The following PHF14 variants were observed in gnomAD, a reference collection of about 807,000 sequenced individuals.
PHF14 encodes the protein PHD finger protein 14.
In PHF14, 55 loss-of-function variants were observed where a neutral mutation model predicts 117.9. The ratio of observed to expected loss-of-function variants is 0.47; its 90% CI spans 0.38 to 0.58. The LOEUF is 0.58. Ranked by LOEUF, PHF14 falls within the 20% of genes least tolerant of loss-of-function variation. The pLI is 0.00. For missense variants in PHF14, 978 were observed against 1,122.2 expected (o/e 0.87, Z 1.84); for synonymous variants, 409 against 368.6 (o/e 1.11, Z -1.26).
intron 16 of PHF14, among the ~76,000 whole-genome samples, chr7:11,088,666 A>T (rs1484315762): frequency 6.6e-6 from 1 of 152,212 alleles, no homozygotes; most frequent in African/African-American, 2.4e-5. Flanking sequence ...ATAAGGAAAT[A>T]GTCAAAGAAA....
intron 17 of PHF14, among the ~76,000 whole-genome samples, chr7:11,131,962 T>C (rs1205839975): frequency 6.6e-6 from 1 of 151,842 alleles, no homozygotes; most frequent in African/African-American, 2.4e-5. Flanking sequence ...TTGTTGGGTT[T>C]TTTTAAAAAT....
chr7:11,018,861 G>A (rs1783624294), intron 5 of PHF14, among the ~76,000 whole-genome samples: 1 of 152,130 alleles, frequency 6.6e-6, no homozygotes, highest in Non-Finnish European at 1.5e-5. Context: ...CATTCAGTAC[G>A]ATACTAGCTG....
intron 17 of PHF14, among the ~76,000 whole-genome samples, chr7:11,121,946 G>A (rs1787768870): frequency 6.6e-6 from 1 of 151,564 alleles, no homozygotes; most frequent in Non-Finnish European, 1.5e-5. Flanking sequence ...TGCTGCACCT[G>A]TCAACCCGTC....
chr7:11,062,713 C>G, intron 16 of PHF14: 2 of 985,196 alleles, frequency 2.0e-6, no homozygotes, highest in Non-Finnish European at 2.4e-6. Context: ...TGCACATTGG[C>G]TTTTCCCAAC....
chr7:11,154,573 A>G (rs1163817295), intron 17 of PHF14, among the ~76,000 whole-genome samples: 1 of 152,154 alleles, frequency 6.6e-6, no homozygotes, highest in Non-Finnish European at 1.5e-5. Context: ...TATTGGTCCT[A>G]CCTAGATTCC....
At chr7:11,023,083 G>T in intron 6 of PHF14, 104 bp downstream of exon 6, 1 of 554,012 alleles carries the variant, frequency 1.8e-6, no homozygotes, top group Non-Finnish European at 3.2e-6. Flanking sequence ...TGCTTACTAG[G>T]AATCATTCTA....
chr7:11,004,936 G>A (rs1466641233), intron 4 of PHF14, among the ~76,000 whole-genome samples: 3 of 151,918 alleles, frequency 2.0e-5, no homozygotes, highest in Admixed American at 6.6e-5. Context: ...AGAATAGCTT[G>A]AACCTGGGAG....
chr7:11,108,443 G>C (rs935418421), intron 16 of PHF14: 1 of 151,386 alleles, frequency 6.6e-6, no homozygotes, highest in African/African-American at 2.4e-5. Flanking sequence ...ATTTACTTTT[G>C]AGTGAGCTAG....
At chr7:11,128,679 T>A (rs1040997963) in intron 17 of PHF14, among the ~76,000 whole-genome samples, 2 of 151,772 alleles carry the variant, frequency 1.3e-5, no homozygotes, top group Non-Finnish European at 2.9e-5. Context: ...GTATTTTAGA[T>A]GTAAATCAGT....
At position 11,035,622 on chromosome 7, in the gene PHF14, T is replaced by C. The variant is rs960128804; in HGVS notation, c.1456-18T>C. 28 of 1,532,452 alleles carry C rather than the reference T, an allele frequency of 1.8e-5. No individual in the cohort carries two copies. Among genetic ancestry groups the C allele is most frequent in the Non-Finnish European group, 2.5e-5 (28 of 1,131,124 alleles). 94.9% of individuals were successfully genotyped at this position (1,532,452 alleles called of 1,614,324 possible). On this transcript the variant is annotated intron_variant, in intron 7 of 17. Coordinates refer to ENST00000634607, the MANE Select transcript of PHF14 (RefSeq NM_001007157.2). ...GGAGTACAAATGTTCACTATTTTTC[T>C]GTGCTTTCTTTGTATAGGATATAGC...
chr7:11,028,775 G>A lies in PHF14; in HGVS notation c.1412G>A (p.Cys471Tyr), dbSNP rs778331828. The A allele has an allele frequency of 6.2e-7, 1 of 1,613,784 alleles. No individual in the cohort carries two copies. Among genetic ancestry groups the A allele is most frequent in the South Asian group, 1.1e-5 (1 of 91,066 alleles). ...GMCRAYFHVTCAQKEGLLSEA... is the reference protein window; with the variant it reads ...GMCRAYFHVTYAQKEGLLSEA... ...TGCAGAGCCTATTTCCATGTGACCT[G>A]TGCTCAAAAGGAAGGTCTGCTTTCA... Residue 471 changes from cysteine to tyrosine, a missense_variant, in exon 7 of 18, where the codon TGT becomes TAT. Coordinates refer to ENST00000634607, the MANE Select transcript of PHF14 (RefSeq NM_001007157.2).
chr7:11,153,159 G>C (rs1255403352), intron 17 of PHF14, among the ~76,000 whole-genome samples: 2 of 152,164 alleles, frequency 1.3e-5, no homozygotes, highest in South Asian at 4.1e-4. Flanking sequence ...AAAGCAAGGA[G>C]GCTGATTAGG....
intron 14 of PHF14, among the ~76,000 whole-genome samples, chr7:11,060,434 A>G (rs1476920004): frequency 6.6e-6 from 1 of 152,250 alleles, no homozygotes; most frequent in East Asian, 1.9e-4. Context: ...TGTAGAAATT[A>G]CTAGCCATAA....
rs17163959 is a variant in PHF14, at chr7:11,110,447, G to A, written c.2655-903G>A. 1,102 of 395,920 alleles carry A rather than the reference G, an allele frequency of 2.8e-3. 9 individuals are homozygous for A. The highest frequency in any genetic ancestry group is 0.022 in the African/African-American group (1,032 of 45,902). 24.5% of individuals were successfully genotyped at this position (395,920 alleles called of 1,614,324 possible). The stretch of plus-strand genomic sequence containing the variant: ...TCTTTGTTATTTGTTGTTAAATTTT[G>A]GTCTTGTTATTCCAACTGATGCAAA... On this transcript the variant is annotated intron_variant, in intron 16 of 17. Coordinates refer to ENST00000634607, the MANE Select transcript of PHF14 (RefSeq NM_001007157.2).
chr7:10,989,822 G>A lies in PHF14; in HGVS notation c.901-881G>A, dbSNP rs562285508. Among the ~76,000 whole-genome samples the A allele has an allele frequency of 2.6e-5, 4 of 152,188 alleles. No homozygotes were observed. The South Asian group carries it at 6.2e-4, about 24-fold the overall frequency. ...ATTTTAAAATATTTTGTAGAGACAGGATCTCACTGTGTTGCCCAGGCTGGT... is the reference window on the plus strand; with the variant it reads ...ATTTTAAAATATTTTGTAGAGACAGAATCTCACTGTGTTGCCCAGGCTGGT... On this transcript the variant is annotated intron_variant, in intron 3 of 17. Transcript: ENST00000634607.
At chr7:11,143,798 A>G (rs969152293) in intron 17 of PHF14, among the ~76,000 whole-genome samples, 3 of 152,142 alleles carry the variant, frequency 2.0e-5, no homozygotes, top group African/African-American at 4.8e-5. Context: ...AAATGTATCT[A>G]GACAAGTGAC....
At chr7:11,042,654 A>C in intron 12 of PHF14, 29 bp from the exon 13 acceptor site, 2 of 1,493,546 alleles carry the variant, frequency 1.3e-6, no homozygotes, top group Non-Finnish European at 1.8e-6. Flanking sequence ...ATTATTATTG[A>C]AATCTTTACT....
At chr7:11,058,884 C>T (rs939715203) in intron 14 of PHF14, among the ~76,000 whole-genome samples, 2 of 152,082 alleles carry the variant, frequency 1.3e-5, no homozygotes, top group African/African-American at 2.4e-5. Context: ...AGTCATTTCT[C>T]TGGATTGCTT....
intron 16 of PHF14, chr7:11,107,613 C>A: frequency 1.3e-6 from 1 of 760,784 alleles, no homozygotes; most frequent in Non-Finnish European, 1.6e-6. Context: ...TGTTTCTTTA[C>A]AGGTTAGTTT....
Sources: gnomAD v4.1 joint callset for allele counts (sites outside exome capture counted in the v4.1 genomes callset) on GRCh38, gnomAD v4.1.1 for gene constraint, MANE v1.5 for transcripts, NCBI Gene and HGNC (gene_info 2026-07-23, HGNC 2026-07-21) for gene names.